The following HCRTR2 variants were observed in gnomAD, a reference collection of about 807,000 sequenced individuals.
HCRTR2 encodes orexin receptor type 2.
A neutral mutation model predicts 49.0 loss-of-function variants in HCRTR2; 22 were observed. The observed-to-expected ratio is 0.45, with a 90% CI of 0.32 to 0.64. The LOEUF is 0.64. HCRTR2 is among the 30% of genes least tolerant of loss of function. HCRTR2 has a pLI of 0.04. For missense variants in HCRTR2, 491 were observed against 559.4 expected (o/e 0.88, Z 1.23); for synonymous variants, 236 against 205.3 (o/e 1.15, Z -1.28).
chr6:55,150,182 G>T (rs1027878463), intron 1 of HCRTR2, among the ~76,000 whole-genome samples: 1 of 151,722 alleles, frequency 6.6e-6, no homozygotes, highest in Non-Finnish European at 1.5e-5. Context: ...ATTAAAAGTT[G>T]ACTATAAATA....
chr6:55,155,144 C>T (rs1476154941), intron 1 of HCRTR2, among the ~76,000 whole-genome samples: 1 of 151,536 alleles, frequency 6.6e-6, no homozygotes, highest in Non-Finnish European at 1.5e-5. Flanking sequence ...AATGTACATA[C>T]TACCCAAAAC....
intron 1 of HCRTR2, among the ~76,000 whole-genome samples, chr6:55,237,811 A>G (rs896392549): frequency 6.6e-6 from 1 of 152,214 alleles, no homozygotes; most frequent in Non-Finnish European, 1.5e-5. Flanking sequence ...AGTAAAACAA[A>G]TGTATACTTT....
upstream of HCRTR2, among the ~76,000 whole-genome samples, chr6:55,170,925 G>C (rs1764941096): frequency 6.6e-6 from 1 of 151,466 alleles, no homozygotes; most frequent in South Asian, 2.1e-4. Context: ...TCCTTTTTTT[G>C]GCTGCATAGT....
At chr6:55,227,527 G>C (rs1766032516) in intron 1 of HCRTR2, among the ~76,000 whole-genome samples, 1 of 152,088 alleles carries the variant, frequency 6.6e-6, no homozygotes, top group Admixed American at 6.5e-5. Context: ...GTTTGAACAG[G>C]GAATTTTGTA....
In HCRTR2 at chr6:55,153,590, A is replaced by C. The variant is rs148615012; in HGVS notation, c.-377-20621A>C. Among the ~76,000 whole-genome samples, 19 of 152,180 alleles carry C rather than the reference A, an allele frequency of 1.2e-4. No homozygotes were observed. In the East Asian group the frequency reaches 3.5e-3, roughly 28 times the overall value. On this transcript the variant is annotated intron_variant, in intron 1 of 7. Coordinates refer to the HCRTR2 transcript ENST00000615358. ...TTGTGACTATATCTCTTTTTATGAT[A>C]GTATCATGCTGTTTTGATTATTGTA...
chr6:55,253,114 T>C (rs1766584558), intron 2 of HCRTR2, among the ~76,000 whole-genome samples: 1 of 151,980 alleles, frequency 6.6e-6, no homozygotes, highest in African/African-American at 2.4e-5. Flanking sequence ...CGATTCCAGC[T>C]ATACTCTTCT....
intron 1 of HCRTR2, among the ~76,000 whole-genome samples, chr6:55,240,294 CTTGCAG>C (rs1175829702): frequency 7.8e-6 from 1 of 128,794 alleles, no homozygotes; most frequent in East Asian, 2.6e-4. Context: ...GGAGGCGGAG[CTTGCAG>C]TGAGCCGAGA....
chr6:55,266,819 C>A (rs1176747761), intron 4 of HCRTR2, among the ~76,000 whole-genome samples: 1 of 152,056 alleles, frequency 6.6e-6, no homozygotes, highest in Non-Finnish European at 1.5e-5. Context: ...ATGAGTGACA[C>A]CAAAATCCAA....
At chr6:55,120,649 G>T (rs1206654257) in intron 1 of HCRTR2, among the ~76,000 whole-genome samples, 622 of 143,522 alleles carry the variant, frequency 4.3e-3, no homozygotes, top group African/African-American at 0.017. Flanking sequence ...ACGGAGATTT[G>T]GAGCTGAGAT....
chr6:55,209,411 G>C (rs1765658567), intron 1 of HCRTR2, among the ~76,000 whole-genome samples: 1 of 152,158 alleles, frequency 6.6e-6, no homozygotes, highest in Non-Finnish European at 1.5e-5. Flanking sequence ...GTTTCTATAG[G>C]ATTGCTTCAT....
intron 4 of HCRTR2, among the ~76,000 whole-genome samples, chr6:55,275,851 C>A (rs532308782): frequency 1.1e-4 from 16 of 151,936 alleles, no homozygotes; most frequent in Non-Finnish European, 2.1e-4. Context: ...CTCAGGTGAC[C>A]GAAAACTGTT....
At chr6:55,126,052 G>C (rs1422920545) in intron 1 of HCRTR2, among the ~76,000 whole-genome samples, 2 of 152,024 alleles carry the variant, frequency 1.3e-5, no homozygotes, top group Non-Finnish European at 2.9e-5. Context: ...CCTTGCATTG[G>C]GTTAGAACAT....
intron 1 of HCRTR2, among the ~76,000 whole-genome samples, chr6:55,221,002 C>T (rs377046068): frequency 9.9e-5 from 15 of 152,070 alleles, no homozygotes; most frequent in Non-Finnish European, 1.3e-4. Flanking sequence ...AGGAGGCTAA[C>T]GACTTATACA....
intron 1 of HCRTR2, among the ~76,000 whole-genome samples, chr6:55,154,718 A>G (rs1244668325): frequency 8.5e-6 from 1 of 117,272 alleles, no homozygotes; most frequent in East Asian, 2.0e-4. Flanking sequence ...ATAAATAAAT[A>G]TAAATAAATA....
rs562820251 is a variant in HCRTR2, at chr6:55,141,283, G to A, written c.-377-32928G>A. 3.3e-5 allele frequency among the ~76,000 whole-genome samples: 5 copies of A among 152,118 alleles called. No homozygotes were observed. In the South Asian group the frequency reaches 6.2e-4, roughly 19 times the overall value. On this transcript the variant is annotated intron_variant, in intron 1 of 7. Coordinates refer to the HCRTR2 transcript ENST00000615358. ...TGCGTGAACCCAGGAGGCAGAGTTCGCAGTGAGCCGAGATTGCGCCACTGC... is the reference window on the plus strand; with the variant it reads ...TGCGTGAACCCAGGAGGCAGAGTTCACAGTGAGCCGAGATTGCGCCACTGC...
chr6:55,191,037 C>G (rs962817002), intron 1 of HCRTR2, among the ~76,000 whole-genome samples: 11 of 152,066 alleles, frequency 7.2e-5, no homozygotes, highest in Admixed American at 6.5e-4. Context: ...AAACACCTCC[C>G]TTGAAATGGA....
intron 4 of HCRTR2, among the ~76,000 whole-genome samples, chr6:55,267,644 T>G (rs1322647178): frequency 1.3e-5 from 2 of 152,158 alleles, no homozygotes; most frequent in Non-Finnish European, 2.9e-5. Flanking sequence ...TGTGAGGTAC[T>G]GAGGATGGAC....
chr6:55,133,691 ATCTATCTATCTAT>A (rs1477310453), intron 1 of HCRTR2, among the ~76,000 whole-genome samples: 42 of 149,960 alleles, frequency 2.8e-4, no homozygotes, highest in African/African-American at 1.0e-3. Flanking sequence ...CTATCTATCT[ATCTATCTATCTAT>A]ATCTCCATCT....
At position 55,153,983 on chromosome 6, in the gene HCRTR2, T is replaced by C. The variant is rs572207140; in HGVS notation, c.-377-20228T>C. Among the ~76,000 whole-genome samples the C allele has an allele frequency of 6.6e-5, 10 of 151,608 alleles. No individual in the cohort carries two copies. In the East Asian group the frequency reaches 7.8e-4, roughly 12 times the overall value. ...TGATGTTAACAAAAAGATCATAAGG[T>C]ACTATTATGAACAACTATACACCAA... On this transcript the variant is annotated intron_variant, in intron 1 of 7. Transcript: ENST00000615358.
Sources: gnomAD v4.1 joint callset for allele counts (sites outside exome capture counted in the v4.1 genomes callset) on GRCh38, gnomAD v4.1.1 for gene constraint, MANE v1.5 for transcripts, NCBI Gene and HGNC (gene_info 2026-07-23, HGNC 2026-07-21) for gene names.